The following LGR5 variants were observed in gnomAD, a reference collection of about 807,000 sequenced individuals.
LGR5 encodes the protein leucine-rich repeat-containing G protein-coupled receptor 5.
LGR5 carries 54 observed loss-of-function variants against 76.7 expected under a neutral mutation model. The observed-to-expected ratio is 0.70, with a 90% CI of 0.57 to 0.88. LGR5 has a LOEUF of 0.88. Ranked by LOEUF, LGR5 falls within the 40% of genes least tolerant of loss-of-function variation. The pLI is 0.00. For missense variants in LGR5, 1,078 were observed against 1,073.3 expected, an observed-to-expected ratio of 1.00 and a Z score of -0.06; for synonymous variants, 406 against 421.9, an observed-to-expected ratio of 0.96 and a Z score of 0.46.
At chr12:71,524,607 T>C (rs1875892678) in intron 3 of LGR5, 130 bp downstream of exon 3, 1 of 585,998 alleles carries the variant, frequency 1.7e-6, no homozygotes, top group Admixed American at 3.2e-5. Flanking sequence ...AATTCAAGTT[T>C]ACTTCATTGG....
At chr12:71,513,183 T>C (rs913341864) in intron 2 of LGR5, among the ~76,000 whole-genome samples, 4 of 151,854 alleles carry the variant, frequency 2.6e-5, no homozygotes, top group Non-Finnish European at 5.9e-5. Context: ...AGAAAAGGTG[T>C]GAGGACAGAA....
chr12:71,563,465 A>G (rs1482535552), intron 8 of LGR5, among the ~76,000 whole-genome samples: 1 of 152,200 alleles, frequency 6.6e-6, no homozygotes, highest in Non-Finnish European at 1.5e-5. Context: ...TTCTGCTGTG[A>G]AATGTGCGTT....
intron 2 of LGR5, among the ~76,000 whole-genome samples, chr12:71,506,869 G>T (rs937671093): frequency 6.6e-6 from 1 of 152,126 alleles, no homozygotes; most frequent in African/African-American, 2.4e-5. Context: ...TGTTCCCAAA[G>T]CTAAATTTAG....
intron 1 of LGR5, among the ~76,000 whole-genome samples, chr12:71,456,195 T>C (rs1371106882): frequency 6.6e-6 from 1 of 152,082 alleles, no homozygotes; most frequent in Non-Finnish European, 1.5e-5. Context: ...TTTAGATAAG[T>C]CCACATAAAG....
chr12:71,506,636 G>A (rs149684749), intron 2 of LGR5, among the ~76,000 whole-genome samples: 5 of 152,114 alleles, frequency 3.3e-5, no homozygotes, highest in African/African-American at 1.2e-4. Context: ...AGAAATAGAG[G>A]AGACCCTTTA....
chr12:71,534,164 C>G lies in LGR5; in HGVS notation c.357-951C>G, dbSNP rs1445727993. On this transcript the variant is annotated intron_variant, in intron 3 of 17. Coordinates refer to ENST00000266674, the MANE Select transcript of LGR5 (RefSeq NM_003667.4). The stretch of plus-strand genomic sequence containing the variant: ...TCAGGCTTACATGGACTACAAAATA[C>G]TGGGAGAAAAAAAATGTGCTGCAGA... Among the ~76,000 whole-genome samples, 3 of 17,644 alleles carry G rather than the reference C, an allele frequency of 1.7e-4. No homozygotes were observed. In the Admixed American group the frequency reaches 4.3e-3, roughly 25 times the overall value. The allele number at this position is 17,644 out of a possible 152,430, so 11.6% of individuals were successfully genotyped here. A position where few individuals can be genotyped will look rare whatever the true frequency, so the allele number is the denominator to read the frequency against.
intron 5 of LGR5, among the ~76,000 whole-genome samples, chr12:71,553,576 G>A (rs1877606382): frequency 6.6e-6 from 1 of 152,118 alleles, no homozygotes; most frequent in Non-Finnish European, 1.5e-5. Context: ...TCACCGCACT[G>A]TACAGTTAGT....
chr12:71,497,341 A>G (rs1465529685), intron 1 of LGR5, among the ~76,000 whole-genome samples: 2 of 149,748 alleles, frequency 1.3e-5, no homozygotes, highest in Non-Finnish European at 3.0e-5. Context: ...AAAGAGAGAA[A>G]GAGGAAGGAA....
intron 11 of LGR5, among the ~76,000 whole-genome samples, chr12:71,569,493 A>G (rs183487103): frequency 0.01 from 1,375 of 132,850 alleles, 10 homozygotes; most frequent in African/African-American, 0.034. Context: ...AACGTGGGCA[A>G]AGGATATGAA....
intron 4 of LGR5, among the ~76,000 whole-genome samples, chr12:71,550,299 C>T (rs1306706186): frequency 1.3e-5 from 2 of 150,852 alleles, no homozygotes; most frequent in African/African-American, 2.4e-5. Context: ...TACAGGCATG[C>T]ACCACCACAC....
Position 71,453,552 on chromosome 12 carries a change from T to C in LGR5, c.212+13260T>C, listed in dbSNP as rs554627140. Among the ~76,000 whole-genome samples, 13 of 151,980 alleles carry C rather than the reference T, an allele frequency of 8.6e-5. No homozygotes were observed. In the East Asian group the frequency reaches 2.3e-3, roughly 27 times the overall value. ...TCAGGTTGATAGCTTCTTGTGCTCT[T>C]AGAAGCACCAGTATCAGCCGTTGAT... On this transcript the variant is annotated intron_variant, in intron 1 of 17. Coordinates refer to ENST00000266674, the MANE Select transcript of LGR5 (RefSeq NM_003667.4).
rs140264650 is a variant in LGR5 at position 71,575,722 on chromosome 12, A to ATGTGTG, written c.1209-2171_1209-2166dup. On this transcript the variant is annotated intron_variant, in intron 13 of 17. Transcript: ENST00000266674. The stretch of plus-strand genomic sequence containing the variant: ...TGAGACTCCATCTCAAAAAATATAT[A>ATGTGTG]TGTGTGTGTGTGTGTGTGTGTGTGT... Among the ~76,000 whole-genome samples, 1,031 of 144,820 alleles carry ATGTGTG rather than the reference A, an allele frequency of 7.1e-3. 10 individuals are homozygous for ATGTGTG. The highest frequency in any genetic ancestry group is 0.024 in the African/African-American group (904 of 38,248).
chr12:71,479,911 A>G (rs886318732), intron 1 of LGR5, among the ~76,000 whole-genome samples: 1 of 152,154 alleles, frequency 6.6e-6, no homozygotes, highest in African/African-American at 2.4e-5. Context: ...ATGCTTAGGC[A>G]TTTGCATTAC....
intron 4 of LGR5, among the ~76,000 whole-genome samples, chr12:71,551,412 T>C (rs1396179255): frequency 6.6e-6 from 1 of 152,254 alleles, no homozygotes; most frequent in East Asian, 1.9e-4. Context: ...TAGTCTTAAA[T>C]GCTTCCAAAA....
chr12:71,546,925 T>C (rs116054034), intron 4 of LGR5, among the ~76,000 whole-genome samples: 1,645 of 152,268 alleles, frequency 0.011, 26 homozygotes, highest in African/African-American at 0.038. Context: ...CAGGGTGAAC[T>C]TGATGGTTTT....
intron 3 of LGR5, 107 bp downstream of exon 3, chr12:71,524,584 G>A: frequency 1.5e-6 from 1 of 667,278 alleles, no homozygotes; most frequent in Admixed American, 2.8e-5. Flanking sequence ...AAATCCATGG[G>A]ATAATTCATC....
At chr12:71,537,608 G>A (rs561285512) in intron 4 of LGR5, among the ~76,000 whole-genome samples, 2 of 152,298 alleles carry the variant, frequency 1.3e-5, no homozygotes, top group Non-Finnish European at 2.9e-5. Context: ...TGGAGGTTTA[G>A]GGTATATTGT....
chr12:71,520,445 G>C (rs191475020), intron 2 of LGR5, among the ~76,000 whole-genome samples: 88 of 152,172 alleles, frequency 5.8e-4, no homozygotes, highest in African/African-American at 2.0e-3. Context: ...GATTTTGTTG[G>C]GGATAATCAA....
chr12:71,545,393 A>C (rs1877104682), intron 4 of LGR5, among the ~76,000 whole-genome samples: 2 of 152,184 alleles, frequency 1.3e-5, no homozygotes, highest in South Asian at 4.1e-4. Context: ...CAGAGGTTGC[A>C]GTGAGCTGAG....
Sources: allele counts gnomAD v4.1 joint callset (sites outside exome capture counted in the v4.1 genomes callset), GRCh38; gene constraint gnomAD v4.1.1; transcripts MANE v1.5; gene names NCBI Gene and HGNC (gene_info 2026-07-23, HGNC 2026-07-21).